NBEA: variants seen among roughly 807,000 people sequenced by gnomAD.
The protein encoded by NBEA is neurobeachin, also known as lysosomal-trafficking regulator 2.
NBEA carries 44 observed loss-of-function variants against 343.4 expected under a neutral mutation model. The ratio of observed to expected loss-of-function variants is 0.13; its 90% confidence interval spans 0.10 to 0.16. The LOEUF is 0.16. Ranked by LOEUF, NBEA falls within the 10% of genes least tolerant of loss-of-function variation. The pLI is 1.00. For missense variants in NBEA, 2,555 were observed against 3,631.3 expected, an observed-to-expected ratio of 0.70 and a Z score of 7.62; for synonymous variants, 1,175 against 1,238.7, an observed-to-expected ratio of 0.95 and a Z score of 1.08.
Position 35,432,382 on chromosome 13 carries a change from C to A in NBEA, c.6293C>A (p.Ala2098Glu). The A allele has an allele frequency of 6.2e-7, 1 of 1,605,586 alleles. No individual in the cohort carries two copies. ...CATGCTGAAGCATTGCTGAAAGCTG[C>A]AATAGAATATGGTTAGTACCAATGC... is the stretch of plus-strand genomic sequence containing the variant. ...STHAEALLKA[A>E]IEYGTEEDVV... The change falls in exon 39 of 59, where the codon GCA (alanine) becomes GAA (glutamate). Residue 2098 changes from alanine to glutamate, a missense_variant. Coordinates refer to ENST00000379939, the MANE Select transcript of NBEA (RefSeq NM_001385012.1).
At chr13:35,054,638 C>CTT (rs2063182278) in intron 6 of NBEA, among the ~76,000 whole-genome samples, 1 of 130,120 alleles carries the variant, frequency 7.7e-6, no homozygotes, top group African/African-American at 2.8e-5. Flanking sequence ...TTTCTGTTTT[C>CTT]TTTTCTTTTT....
At chr13:35,337,453 A>G (rs1340449730) in intron 36 of NBEA, among the ~76,000 whole-genome samples, 2 of 152,166 alleles carry the variant, frequency 1.3e-5, no homozygotes, top group East Asian at 1.9e-4. Flanking sequence ...ATAAGATATC[A>G]TAGTTTTAAA....
At chr13:35,390,376 GACAAT>G (rs2042444616) in intron 38 of NBEA, among the ~76,000 whole-genome samples, 1 of 152,100 alleles carries the variant, frequency 6.6e-6, no homozygotes. Flanking sequence ...CCAGACACAA[GACAAT>G]ACAAGGACAA....
At chr13:35,558,630 G>A (rs987796726) in intron 44 of NBEA, among the ~76,000 whole-genome samples, 18 of 152,276 alleles carry the variant, frequency 1.2e-4, no homozygotes, top group African/African-American at 3.9e-4. Context: ...CTATTACCTT[G>A]GAGACCTGTT....
chr13:35,433,775 A>G (rs2045261703), intron 39 of NBEA, among the ~76,000 whole-genome samples: 1 of 152,084 alleles, frequency 6.6e-6, no homozygotes, highest in Non-Finnish European at 1.5e-5. Context: ...AGGATTTGAT[A>G]CCAACTCAAA....
At chr13:35,325,956 A>G (rs998861278) in intron 36 of NBEA, among the ~76,000 whole-genome samples, 2 of 152,070 alleles carry the variant, frequency 1.3e-5, no homozygotes, top group Admixed American at 1.3e-4. Context: ...GTTGACAGTC[A>G]GATGCCTGTA....
At chr13:35,645,503 A>G (rs1482653354) in intron 49 of NBEA, among the ~76,000 whole-genome samples, 1 of 152,140 alleles carries the variant, frequency 6.6e-6, no homozygotes, top group African/African-American at 2.4e-5. Context: ...GGCTAAAATT[A>G]TTTCTATTCC....
At chr13:35,531,747 C>T (rs2078272102) in intron 41 of NBEA, among the ~76,000 whole-genome samples, 1 of 152,186 alleles carries the variant, frequency 6.6e-6, no homozygotes, top group African/African-American at 2.4e-5. Flanking sequence ...CTTTGATGTG[C>T]TGCAGAAGGT....
intron 1 of NBEA, among the ~76,000 whole-genome samples, chr13:34,964,997 A>G (rs115126721): frequency 6.6e-6 from 1 of 152,132 alleles, no homozygotes; most frequent in African/African-American, 2.4e-5. Flanking sequence ...AAACTTGGTT[A>G]TTTGTTTATT....
intron 48 of NBEA, 32 bp downstream of exon 48, chr13:35,606,610 C>A: frequency 1.3e-6 from 2 of 1,562,170 alleles, no homozygotes; most frequent in South Asian, 1.2e-5. Context: ...CTTGGGCAGT[C>A]ATCAGGGAGT....
rs569825693 is a variant in NBEA at position 35,666,056 on chromosome 13, T to A, written c.8464+870T>A. Among the ~76,000 whole-genome samples the A allele has an allele frequency of 1.1e-4, 17 of 152,208 alleles. No individual in the cohort carries two copies. The East Asian group carries it at 3.3e-3, about 29-fold the overall frequency. On this transcript the variant is annotated intron_variant, in intron 56 of 58. Coordinates refer to ENST00000379939, the MANE Select transcript of NBEA (RefSeq NM_001385012.1). Reference sequence around the variant, plus strand: ...AAAGGAGCCTGATGCTTGGAGAAACTGAAAGGAGCCCTGGGTGCTGCTGGA... The same window carrying A: ...AAAGGAGCCTGATGCTTGGAGAAACAGAAAGGAGCCCTGGGTGCTGCTGGA...
chr13:35,004,493 A>G (rs2061250881), intron 1 of NBEA, among the ~76,000 whole-genome samples: 1 of 152,056 alleles, frequency 6.6e-6, no homozygotes, highest in African/African-American at 2.4e-5. Context: ...GGACAACTAG[A>G]CTCTGGTATG....
chr13:35,555,962 T>C (rs768646902), intron 44 of NBEA, among the ~76,000 whole-genome samples: 2 of 151,996 alleles, frequency 1.3e-5, no homozygotes, highest in African/African-American at 2.4e-5. Flanking sequence ...TACATAAGTG[T>C]GACTAAAGAT....
At chr13:35,373,873 G>A (rs899768634) in intron 38 of NBEA, among the ~76,000 whole-genome samples, 1 of 152,008 alleles carries the variant, frequency 6.6e-6, no homozygotes, top group Non-Finnish European at 1.5e-5. Context: ...TGTCTCAGGG[G>A]TCTTTTTTGC....
intron 34 of NBEA, among the ~76,000 whole-genome samples, chr13:35,256,676 A>T (rs1216960575): frequency 2.0e-5 from 3 of 152,136 alleles, no homozygotes; most frequent in Non-Finnish European, 4.4e-5. Flanking sequence ...TTTGGCACCC[A>T]ATGTCTGGAG....
chr13:35,147,911 A>G (rs1196982994), intron 18 of NBEA, among the ~76,000 whole-genome samples: 1 of 152,132 alleles, frequency 6.6e-6, no homozygotes, highest in Non-Finnish European at 1.5e-5. Flanking sequence ...AAACGATCTA[A>G]TTACAAGATG....
chr13:35,515,335 G>A (rs1341054802), intron 41 of NBEA, among the ~76,000 whole-genome samples: 2 of 152,138 alleles, frequency 1.3e-5, no homozygotes, highest in Non-Finnish European at 2.9e-5. Context: ...GCTCAGAGCT[G>A]CATTTTAATG....
intron 55 of NBEA, among the ~76,000 whole-genome samples, chr13:35,664,496 G>T (rs2085254351): frequency 6.6e-6 from 1 of 152,170 alleles, no homozygotes; most frequent in Non-Finnish European, 1.5e-5. Context: ...GAAAAATATA[G>T]AACTTTTTAC....
intron 1 of NBEA, among the ~76,000 whole-genome samples, chr13:35,032,410 G>C (rs532322881): frequency 2.4e-4 from 36 of 151,834 alleles, no homozygotes; most frequent in African/African-American, 8.7e-4. Context: ...GTTTTATTGA[G>C]CTTTTTATTC....
Sources: gnomAD v4.1 joint callset for allele counts (sites outside exome capture counted in the v4.1 genomes callset) on GRCh38, gnomAD v4.1.1 for gene constraint, MANE v1.5 for transcripts, NCBI Gene and HGNC (gene_info 2026-07-23, HGNC 2026-07-21) for gene names.